The following SPAG16 variants were observed in gnomAD, a reference collection of about 807,000 sequenced individuals.
SPAG16 encodes the protein sperm associated antigen 16, also known as sperm-associated antigen 16 protein.
In SPAG16, 86 loss-of-function variants were observed where a neutral mutation model predicts 80.4. The ratio of observed to expected loss-of-function variants is 1.07; its 90% confidence interval spans 0.90 to 1.28. The LOEUF is 1.28. Ranked by LOEUF, SPAG16 falls within the 50% of genes most tolerant of loss-of-function variation. The probability of loss-of-function intolerance (pLI) is 0.00; values close to 1 mark genes in which losing one functional copy is unlikely to be tolerated. For missense variants in SPAG16, 870 were observed against 765.3 expected (o/e 1.14, Z -1.61); for synonymous variants, 294 against 265.9 (o/e 1.11, Z -1.03).
chr2:213,800,902 ATT>A (rs1010763953), intron 10 of SPAG16, among the ~76,000 whole-genome samples: 7 of 152,204 alleles, frequency 4.6e-5, no homozygotes, highest in African/African-American at 1.7e-4. Flanking sequence ...AGCAGAAAAG[ATT>A]TTAGTCAAAT....
intron 15 of SPAG16, among the ~76,000 whole-genome samples, chr2:214,314,729 A>G (rs1054549595): frequency 7.1e-6 from 1 of 140,850 alleles, no homozygotes; most frequent in African/African-American, 2.6e-5. Context: ...ACATGGTGTA[A>G]TAAGTTGGAA....
chr2:213,807,687 A>G lies in SPAG16; in HGVS notation c.1071-54798A>G, dbSNP rs543204565. Reference sequence around the variant, plus strand: ...ATCATCAGTTTCATCCAGAAGCAAGATATTTATAAAGGGCTTTGAAAACTT... The same window carrying G: ...ATCATCAGTTTCATCCAGAAGCAAGGTATTTATAAAGGGCTTTGAAAACTT... On this transcript the variant is annotated intron_variant, in intron 10 of 15. Coordinates refer to ENST00000331683, the MANE Select transcript of SPAG16 (RefSeq NM_024532.5). Among the ~76,000 whole-genome samples the G allele has an allele frequency of 1.8e-4, 28 of 152,322 alleles. 1 individual carries two copies. The highest frequency in any genetic ancestry group is 6.3e-4 in the African/African-American group (26 of 41,580).
chr2:213,834,058 A>G (rs2073949142), intron 10 of SPAG16, among the ~76,000 whole-genome samples: 1 of 152,028 alleles, frequency 6.6e-6, no homozygotes, highest in African/African-American at 2.4e-5. Context: ...AATAAGTCTC[A>G]TGAGCTCTGA....
At chr2:214,238,411 C>T (rs1432464422) in intron 15 of SPAG16, 2 of 163,814 alleles carry the variant, frequency 1.2e-5, no homozygotes, top group Non-Finnish European at 2.7e-5. Flanking sequence ...TGCTCAAGAT[C>T]ATTTTGTGAA....
At chr2:213,578,895 A>T (rs976596095) in intron 10 of SPAG16, among the ~76,000 whole-genome samples, 2 of 152,212 alleles carry the variant, frequency 1.3e-5, no homozygotes, top group Middle Eastern at 3.4e-3. Context: ...AGAACTGTTA[A>T]TATAGCTAAG....
intron 15 of SPAG16, among the ~76,000 whole-genome samples, chr2:214,215,049 A>T (rs191516979): frequency 6.6e-6 from 1 of 152,184 alleles, no homozygotes; most frequent in East Asian, 1.9e-4. Flanking sequence ...TGATGACAAT[A>T]TTAAATTTTA....
At position 213,325,330 on chromosome 2, in the gene SPAG16, A is replaced by G. The variant is rs139844329; in HGVS notation, c.536+7974A>G. Among the ~76,000 whole-genome samples, 756 of 152,166 alleles carry G rather than the reference A, an allele frequency of 5.0e-3. 5 individuals are homozygous for G. Among genetic ancestry groups the G allele is most frequent in the Admixed American group, 0.012 (177 of 15,270 alleles). Reference sequence around the variant, plus strand: ...ACAGAGATATTCTGTGTTTTCTTCTAAAACGCTTAAAATATAGATTTTTAT... The same window carrying G: ...ACAGAGATATTCTGTGTTTTCTTCTGAAACGCTTAAAATATAGATTTTTAT... On this transcript the variant is annotated intron_variant, in intron 5 of 15. Transcript: ENST00000331683.
rs117010615 is a variant in SPAG16, at chr2:213,837,793, A to C, written c.1071-24692A>C. Reference sequence around the variant, plus strand: ...TTATCTGAGTAAACCCAATGTAATCACAAGAGTCCATATAAGAGAAAGAGA... The same window carrying C: ...TTATCTGAGTAAACCCAATGTAATCCCAAGAGTCCATATAAGAGAAAGAGA... On this transcript the variant is annotated intron_variant, in intron 10 of 15. Coordinates refer to ENST00000331683, the MANE Select transcript of SPAG16 (RefSeq NM_024532.5). 5.4e-3 allele frequency among the ~76,000 whole-genome samples: 826 copies of C among 152,324 alleles called. 12 individuals carry two copies. Among genetic ancestry groups the C allele is most frequent in the East Asian group, 0.045 (232 of 5,186 alleles).
intron 10 of SPAG16, among the ~76,000 whole-genome samples, chr2:213,849,605 A>ATACTATACCTC (rs1448070022): frequency 6.6e-6 from 1 of 152,206 alleles, no homozygotes; most frequent in East Asian, 1.9e-4. Context: ...AGTGAATTCT[A>ATACTATACCTC]TACTATACCT....
At chr2:214,361,819 A>G (rs770613168) in intron 15 of SPAG16, among the ~76,000 whole-genome samples, 4 of 151,848 alleles carry the variant, frequency 2.6e-5, no homozygotes, top group Admixed American at 6.6e-5. Flanking sequence ...CCTGTTTCCA[A>G]TCATTTTGCA....
intron 12 of SPAG16, among the ~76,000 whole-genome samples, chr2:213,972,911 C>G (rs2045153666): frequency 6.6e-6 from 1 of 152,016 alleles, no homozygotes; most frequent in East Asian, 1.9e-4. Context: ...TTTTGATTCC[C>G]TTATTTCCTT....
At chr2:213,938,576 T>A (rs1211993508) in intron 12 of SPAG16, among the ~76,000 whole-genome samples, 6 of 152,002 alleles carry the variant, frequency 3.9e-5, no homozygotes, top group Non-Finnish European at 7.4e-5. Context: ...AAGCTTGTTT[T>A]AAAACCATTT....
At chr2:214,173,735 A>G (rs1368940389) in intron 15 of SPAG16, among the ~76,000 whole-genome samples, 3 of 151,930 alleles carry the variant, frequency 2.0e-5, no homozygotes, top group Non-Finnish European at 2.9e-5. Context: ...TGAGGCCAGC[A>G]TCATCCTGAT....
chr2:213,752,108 G>A (rs938663465), intron 10 of SPAG16, among the ~76,000 whole-genome samples: 1 of 151,988 alleles, frequency 6.6e-6, no homozygotes, highest in Non-Finnish European at 1.5e-5. Context: ...TGTTATTTTG[G>A]TGGTTACTTC....
At chr2:214,042,781 C>T (rs2049107271) in intron 13 of SPAG16, among the ~76,000 whole-genome samples, 1 of 152,104 alleles carries the variant, frequency 6.6e-6, no homozygotes. Context: ...CTAAGAGTCT[C>T]CTGCAAATTT....
chr2:214,154,510 C>A lies in SPAG16; in HGVS notation c.1720+5244C>A, dbSNP rs869254140. On this transcript the variant is annotated intron_variant, in intron 15 of 15. Coordinates refer to ENST00000331683, the MANE Select transcript of SPAG16 (RefSeq NM_024532.5). ...CAAAAAGTATCAGACCCCCCCCCCC[C>A]ATTTTTTCATAACCTAACAAGATAA... Among the ~76,000 whole-genome samples the A allele has an allele frequency of 8.6e-5, 8 of 93,368 alleles. No individual in the cohort carries two copies. In the South Asian group the frequency reaches 1.3e-3, roughly 15 times the overall value. The allele number at this position is 93,368 out of a possible 152,430, so 61.3% of individuals were successfully genotyped here.
intron 13 of SPAG16, among the ~76,000 whole-genome samples, chr2:214,032,822 A>T (rs534420553): frequency 6.6e-6 from 1 of 152,190 alleles, no homozygotes; most frequent in Non-Finnish European, 1.5e-5. Flanking sequence ...AGGTGCAAAG[A>T]CTATGGATGA....
At chr2:213,731,877 C>T (rs932271899) in intron 10 of SPAG16, among the ~76,000 whole-genome samples, 10 of 151,998 alleles carry the variant, frequency 6.6e-5, no homozygotes, top group Admixed American at 2.6e-4. Context: ...CTTTTCACTC[C>T]GTTGGTAGTT....
chr2:213,440,204 G>A (rs1473378458), intron 9 of SPAG16, among the ~76,000 whole-genome samples: 1 of 152,082 alleles, frequency 6.6e-6, no homozygotes, highest in African/African-American at 2.4e-5. Flanking sequence ...AAGTTGGGAG[G>A]CATTTTCTCT....
Sources: allele counts gnomAD v4.1 joint callset (sites outside exome capture counted in the v4.1 genomes callset), GRCh38; gene constraint gnomAD v4.1.1; transcripts MANE v1.5; gene names NCBI Gene and HGNC (gene_info 2026-07-23, HGNC 2026-07-21).